Variants in SPHKAP observed in about 807,000 individuals in gnomAD.
SPHKAP encodes the protein A-kinase anchor protein SPHKAP.
Under a neutral mutation model 137.5 loss-of-function variants are expected in SPHKAP, and 67 were observed. The observed-to-expected ratio is 0.49, with a 90% CI of 0.40 to 0.60. SPHKAP has a LOEUF of 0.60. Among genes scored for constraint, SPHKAP ranks in the 20% least tolerant of loss-of-function variants. The pLI, the probability that SPHKAP is intolerant of heterozygous loss-of-function variation, is 0.00. For missense variants in SPHKAP, 2,097 were observed against 2,069.3 expected (o/e 1.01, Z -0.26); for synonymous variants, 813 against 785.3 (o/e 1.04, Z -0.59).
chr2:228,132,271 A>G (rs1231464939), intron 1 of SPHKAP, among the ~76,000 whole-genome samples, 186 bp from the exon 2 acceptor site: 2 of 152,186 alleles, frequency 1.3e-5, no homozygotes, highest in African/African-American at 2.4e-5. Context: ...TGGCAGAACC[A>G]CTACAGACGA....
At chr2:228,037,933 G>A (rs1695688241) in intron 3 of SPHKAP, among the ~76,000 whole-genome samples, 1 of 152,136 alleles carries the variant, frequency 6.6e-6, no homozygotes. Context: ...ACAAGTTTGG[G>A]CTATTAATTG....
intron 4 of SPHKAP, 105 bp from the exon 5 acceptor site, chr2:228,025,633 T>C: frequency 3.9e-6 from 5 of 1,298,298 alleles, no homozygotes; most frequent in Non-Finnish European, 5.2e-6. Flanking sequence ...CTCATACATA[T>C]AGACTGCTTA....
At chr2:228,021,674 G>T in intron 6 of SPHKAP, 37 bp downstream of exon 6, 1 of 1,567,044 alleles carries the variant, frequency 6.4e-7, no homozygotes, top group South Asian at 1.2e-5. Context: ...TTTATACGGG[G>T]ACTAATTTCA....
intron 3 of SPHKAP, among the ~76,000 whole-genome samples, chr2:228,097,578 A>G (rs1698025641): frequency 6.6e-6 from 1 of 152,034 alleles, no homozygotes; most frequent in African/African-American, 2.4e-5. Flanking sequence ...GTGTGTCATT[A>G]AGATTTGGTG....
intron 3 of SPHKAP, among the ~76,000 whole-genome samples, chr2:228,045,997 A>T (rs1696032041): frequency 6.6e-6 from 1 of 152,118 alleles, no homozygotes. Flanking sequence ...AATGTACAGC[A>T]TGGTGACTAT....
At chr2:228,130,732 T>G (rs1223078977) in intron 2 of SPHKAP, among the ~76,000 whole-genome samples, 1 of 152,196 alleles carries the variant, frequency 6.6e-6, no homozygotes, top group African/African-American at 2.4e-5. Context: ...CTTTTATAAA[T>G]AGTTTTATAA....
At chr2:228,121,176 T>C (rs1698890971) in intron 2 of SPHKAP, among the ~76,000 whole-genome samples, 1 of 152,182 alleles carries the variant, frequency 6.6e-6, no homozygotes, top group Non-Finnish European at 1.5e-5. Flanking sequence ...CACGTATCTC[T>C]TGAGTATTGG....
chr2:228,157,011 G>C (rs995237992), intron 1 of SPHKAP, among the ~76,000 whole-genome samples: 1 of 152,092 alleles, frequency 6.6e-6, no homozygotes. Context: ...ACAGTGCAAG[G>C]AGCTCAAGAT....
At chr2:228,121,165 C>T (rs986051825) in intron 2 of SPHKAP, among the ~76,000 whole-genome samples, 3 of 152,124 alleles carry the variant, frequency 2.0e-5, no homozygotes, top group African/African-American at 4.8e-5. Context: ...AATTTAATGG[C>T]CACGTATCTC....
At position 228,019,115 on chromosome 2, in the gene SPHKAP, G is replaced by A. The variant is rs894022766; in HGVS notation, c.1739C>T (p.Thr580Ile). ...VCGLGEREEV[T>I]CSVAPSGSLP... The stretch of plus-strand genomic sequence containing the variant: ...GCTACCACTTGGAGCCACTGAGCAT[G>A]TCACCTCTTCTCTTTCACCCAGACC... Residue 580 changes from threonine to isoleucine, a missense_variant, in exon 7 of 12, where the codon ACA (threonine) becomes ATA (isoleucine). Physicochemically the swap from Thr to Ile is moderately conservative, Grantham distance 89. Coordinates refer to ENST00000392056, the MANE Select transcript of SPHKAP (RefSeq NM_001142644.2). 1.1e-5 allele frequency: 18 copies of A among 1,613,998 alleles called. No homozygotes were observed. Among genetic ancestry groups the A allele is most frequent in the Non-Finnish European group, 1.4e-5 (17 of 1,180,024 alleles).
At chr2:228,014,060 G>A (rs1203699045) in intron 7 of SPHKAP, among the ~76,000 whole-genome samples, 1 of 152,056 alleles carries the variant, frequency 6.6e-6, no homozygotes, top group Admixed American at 6.5e-5. Context: ...GCATTGAATT[G>A]TACCTATTTT....
chr2:227,993,062 C>T (rs780204094), intron 9 of SPHKAP, among the ~76,000 whole-genome samples: 8 of 152,004 alleles, frequency 5.3e-5, no homozygotes, highest in African/African-American at 1.2e-4. Flanking sequence ...AGCATAGTCA[C>T]GGGGTGGGAA....
intron 2 of SPHKAP, among the ~76,000 whole-genome samples, chr2:228,114,303 C>A (rs779630716): frequency 6.6e-6 from 1 of 152,028 alleles, no homozygotes; most frequent in Non-Finnish European, 1.5e-5. Flanking sequence ...ATATAGAGAA[C>A]CAAGTTGAAG....
intron 2 of SPHKAP, among the ~76,000 whole-genome samples, chr2:228,113,142 T>C (rs900490552): frequency 2.0e-5 from 3 of 152,112 alleles, no homozygotes; most frequent in African/African-American, 7.2e-5. Flanking sequence ...TTTATCATCG[T>C]TAAAAATTAG....
Position 228,032,786 on chromosome 2 carries a change from A to G in SPHKAP, c.247-5243T>C, listed in dbSNP as rs1386311987. Reference sequence around the variant, plus strand: ...CATATCCAGCCAAACTAAGCTTCATAAGTGAAGGAGAAATAAAATACTTTA... The same window carrying G: ...CATATCCAGCCAAACTAAGCTTCATGAGTGAAGGAGAAATAAAATACTTTA... On this transcript the variant is annotated intron_variant, in intron 3 of 11. Coordinates refer to ENST00000392056, the MANE Select transcript of SPHKAP (RefSeq NM_001142644.2). Among the ~76,000 whole-genome samples the G allele has an allele frequency of 2.0e-5, 3 of 152,182 alleles. No homozygotes were observed. In the East Asian group the frequency reaches 5.8e-4, roughly 29 times the overall value.
At chr2:228,004,671 C>T (rs193088364) in intron 7 of SPHKAP, among the ~76,000 whole-genome samples, 11 of 152,180 alleles carry the variant, frequency 7.2e-5, no homozygotes, top group African/African-American at 1.2e-4. Flanking sequence ...TTAGGTCTTT[C>T]GTGCTTTCTC....
At chr2:228,054,088 G>A (rs1696354684) in intron 3 of SPHKAP, among the ~76,000 whole-genome samples, 2 of 152,024 alleles carry the variant, frequency 1.3e-5, no homozygotes, top group African/African-American at 4.8e-5. Flanking sequence ...GCAGTGATGG[G>A]GAAAAAGAGT....
rs1695486329 is a variant in SPHKAP, at chr2:228,034,329, G to A, written c.247-6786C>T. Among the ~76,000 whole-genome samples, 3 of 152,188 alleles carry A rather than the reference G, an allele frequency of 2.0e-5. No individual in the cohort carries two copies. The South Asian group carries it at 6.2e-4, about 32-fold the overall frequency. On this transcript the variant is annotated intron_variant, in intron 3 of 11. Coordinates refer to ENST00000392056, the MANE Select transcript of SPHKAP (RefSeq NM_001142644.2). ...TATACACCCTCCCAAGACTAAACCAGGAAGAAGTTGAATCTCTGAGTAGAG... is the reference window on the plus strand; with the variant it reads ...TATACACCCTCCCAAGACTAAACCAAGAAGAAGTTGAATCTCTGAGTAGAG...
intron 3 of SPHKAP, among the ~76,000 whole-genome samples, chr2:228,063,174 ATCTG>A (rs1553536379): frequency 0.082 from 11,986 of 147,062 alleles, 496 homozygotes; most frequent in Non-Finnish European, 0.1. Context: ...CTATCTATCT[ATCTG>A]TCTGTCTGTC....
Sources: gnomAD v4.1 joint callset for allele counts (sites outside exome capture counted in the v4.1 genomes callset) on GRCh38, gnomAD v4.1.1 for gene constraint, MANE v1.5 for transcripts, NCBI Gene and HGNC (gene_info 2026-07-23, HGNC 2026-07-21) for gene names.